Variants in RALGAPA1 observed in about 807,000 individuals in gnomAD.
RALGAPA1 encodes ral GTPase-activating protein subunit alpha-1.
RALGAPA1 carries 52 observed loss-of-function variants against 269.6 expected under a neutral mutation model. That is an observed-to-expected ratio of 0.19 (90% confidence interval 0.15 to 0.24). The LOEUF is 0.24. Ranked by LOEUF, RALGAPA1 falls within the 10% of genes least tolerant of loss-of-function variation. The pLI is 1.00. For synonymous variants in RALGAPA1, 817 were observed against 1,008.3 expected, an observed-to-expected ratio of 0.81 and a Z score of 3.60; for missense variants, 1,917 against 3,013.9, an observed-to-expected ratio of 0.64 and a Z score of 8.52.
chr14:35,766,093 C>T (rs1002656054), intron 4 of RALGAPA1: 36 of 1,130,380 alleles, frequency 3.2e-5, no homozygotes, highest in South Asian at 1.5e-4. Context: ...ACATGCTATG[C>T]GGCTTTAGGA....
chr14:35,789,896 G>T (rs957590285), intron 1 of RALGAPA1, among the ~76,000 whole-genome samples: 20 of 152,110 alleles, frequency 1.3e-4, no homozygotes, highest in Non-Finnish European at 2.5e-4. Context: ...AGCAGCTCTG[G>T]GCCCATGAAG....
Position 35,755,443 on chromosome 14 carries a change from G to A in RALGAPA1, c.663+1350C>T, listed in dbSNP as rs1375413856. On this transcript the variant is annotated intron_variant, in intron 7 of 41. Transcript: ENST00000680220. ...TTATCTTAATTGTAAAGGTTTCATG[G>A]ATGTATACACATAATAAAATTCATT... 2.0e-5 allele frequency among the ~76,000 whole-genome samples: 3 copies of A among 152,154 alleles called. No homozygotes were observed. In the East Asian group the frequency reaches 5.8e-4, roughly 29 times the overall value.
At position 35,701,494 on chromosome 14, in the gene RALGAPA1, G is replaced by A. The variant is rs545980499; in HGVS notation, c.2267-1192C>T. ...TCTTTTACTGTCCTCCCGTGCTGCC[G>A]CCACTCAGAATTTTATAATGTTCCT... On this transcript the variant is annotated intron_variant, in intron 16 of 41. Transcript: ENST00000680220. Among the ~76,000 whole-genome samples the A allele has an allele frequency of 2.6e-5, 4 of 152,032 alleles. No individual in the cohort carries two copies. The South Asian group carries it at 6.2e-4, about 24-fold the overall frequency.
At chr14:35,625,518 C>A (rs1218063074) in intron 34 of RALGAPA1, 86 bp from the exon 35 acceptor site, 3 of 934,372 alleles carry the variant, frequency 3.2e-6, no homozygotes, top group Non-Finnish European at 4.8e-6. Context: ...TCTACTCATG[C>A]AACTTTTCTA....
Position 35,721,810 on chromosome 14 carries a change from G to T in RALGAPA1, c.2144C>A (p.Ser715Ter), listed in dbSNP as rs1403464480. The change falls in exon 16 of 42, where the codon TCA becomes TAA. Residue 715 changes from serine to a stop codon, truncating the protein, a stop_gained. Transcript: ENST00000680220. LOFTEE classifies it high-confidence loss of function. The stretch of plus-strand genomic sequence containing the variant: ...ATCACGACTCCATCCTCTAGAAAAT[G>T]ACTTGTCAACTGAAACTTTCTGAAA... ...HEFQKVSVDK[S>*]FSRGWSRDQP... 1 of 1,613,330 alleles carries T rather than the reference G, an allele frequency of 6.2e-7. No homozygotes were observed.
At chr14:35,602,359 A>C (rs188894319) in intron 36 of RALGAPA1, among the ~76,000 whole-genome samples, 30 of 152,268 alleles carry the variant, frequency 2.0e-4, no homozygotes, top group African/African-American at 7.2e-4. Flanking sequence ...GTCACATGGC[A>C]ACTCAACATT....
intron 16 of RALGAPA1, among the ~76,000 whole-genome samples, chr14:35,703,008 T>A (rs948692617): frequency 1.3e-5 from 2 of 152,204 alleles, no homozygotes; most frequent in Non-Finnish European, 1.5e-5. Flanking sequence ...ACAGATAAAT[T>A]ATAAGTTTTT....
chr14:35,684,622 T>C (rs2140389524), intron 20 of RALGAPA1, among the ~76,000 whole-genome samples: 2 of 152,256 alleles, frequency 1.3e-5, no homozygotes, highest in Middle Eastern at 6.8e-3. Context: ...TTAAGGTGAT[T>C]CCCTAAAACT....
chr14:35,724,305 G>GA (rs755799235), intron 14 of RALGAPA1, among the ~76,000 whole-genome samples: 38 of 151,794 alleles, frequency 2.5e-4, no homozygotes, highest in Non-Finnish European at 5.0e-4. Flanking sequence ...GCTAATATAT[G>GA]AAAAAAAACT....
At chr14:35,790,611 C>T (rs148644085) in intron 1 of RALGAPA1, among the ~76,000 whole-genome samples, 49 of 150,006 alleles carry the variant, frequency 3.3e-4, no homozygotes, top group African/African-American at 9.8e-4. Context: ...TTGCTTGAAC[C>T]GGGGAGGTGG....
chr14:35,722,984 T>C, intron 15 of RALGAPA1, 43 bp downstream of exon 15: 1 of 1,258,090 alleles, frequency 7.9e-7, no homozygotes, highest in South Asian at 1.5e-5. Flanking sequence ...GACTCAATTA[T>C]TTAAACAAAT....
intron 35 of RALGAPA1, among the ~76,000 whole-genome samples, chr14:35,608,032 G>C (rs2059696247): frequency 6.6e-6 from 1 of 152,156 alleles, no homozygotes; most frequent in African/African-American, 2.4e-5. Flanking sequence ...CCTGAACTCA[G>C]GGTCGACTCC....
chr14:35,570,967 C>T (rs1446035470), intron 38 of RALGAPA1, among the ~76,000 whole-genome samples: 1 of 152,182 alleles, frequency 6.6e-6, no homozygotes. Flanking sequence ...GAACTATGTG[C>T]TTCATGTAAC....
intron 1 of RALGAPA1, among the ~76,000 whole-genome samples, chr14:35,803,051 T>C (rs985380257): frequency 6.6e-6 from 1 of 152,090 alleles, no homozygotes; most frequent in Non-Finnish European, 1.5e-5. Flanking sequence ...AAAGAAACTT[T>C]GAAAAGGAAG....
intron 13 of RALGAPA1, among the ~76,000 whole-genome samples, chr14:35,726,982 T>C (rs1233208252): frequency 6.6e-6 from 1 of 152,206 alleles, no homozygotes; most frequent in African/African-American, 2.4e-5. Context: ...GTAAAGTGCT[T>C]AGAAAGCTAT....
rs1395954356 is a variant in RALGAPA1, at chr14:35,728,351, A to G, written c.1736+11T>C. The G allele has an allele frequency of 1.3e-6, 2 of 1,546,238 alleles. No homozygotes were observed. The highest frequency in any genetic ancestry group is 2.3e-4 in the Middle Eastern group (1 of 4,284). On this transcript the variant is annotated intron_variant, in intron 13 of 41. Coordinates refer to ENST00000680220, the MANE Select transcript of RALGAPA1 (RefSeq NM_001346249.2). ...AAAACACATAGACATAAAGGATAAA[A>G]ATTTTTTTACCAAGTCTTTTTGTCC...
In RALGAPA1 at chr14:35,570,414, T is replaced by A. The variant is rs192884309; in HGVS notation, c.7496+203A>T. Among the ~76,000 whole-genome samples, 39 of 152,212 alleles carry A rather than the reference T, an allele frequency of 2.6e-4. 1 individual carries two copies. The East Asian group carries it at 6.7e-3, about 26-fold the overall frequency. On this transcript the variant is annotated intron_variant, in intron 39 of 41. Coordinates refer to ENST00000680220, the MANE Select transcript of RALGAPA1 (RefSeq NM_001346249.2). ...GCTCACACCTGTAATCTCAGCACTT[T>A]AGGAGGCTGACCAAGGTGGGACAAT...
At chr14:35,628,452 C>T (rs1290879049) in intron 33 of RALGAPA1, among the ~76,000 whole-genome samples, 1 of 152,062 alleles carries the variant, frequency 6.6e-6, no homozygotes, top group Non-Finnish European at 1.5e-5. Context: ...CAGAGCAAGA[C>T]CATGTCTCCC....
chr14:35,554,162 T>G (rs1271668143), intron 39 of RALGAPA1, among the ~76,000 whole-genome samples: 1 of 152,096 alleles, frequency 6.6e-6, no homozygotes, highest in African/African-American at 2.4e-5. Context: ...CTACTTAAGT[T>G]GAGCAGATTA....
Sources: gnomAD v4.1 joint callset for allele counts (sites outside exome capture counted in the v4.1 genomes callset) on GRCh38, gnomAD v4.1.1 for gene constraint, MANE v1.5 for transcripts, NCBI Gene and HGNC (gene_info 2026-07-23, HGNC 2026-07-21) for gene names.